The following SPRED2 variants were observed in gnomAD, a reference collection of about 807,000 sequenced individuals.
The protein encoded by SPRED2 is sprouty-related, EVH1 domain-containing protein 2.
In SPRED2, 47 loss-of-function variants were observed where a neutral mutation model predicts 43.0. The ratio of observed to expected loss-of-function variants is 1.09; its 90% CI spans 0.87 to 1.40. The LOEUF (loss-of-function observed/expected upper bound fraction) is 1.40. Among genes scored for constraint, SPRED2 ranks in the 40% most tolerant of loss-of-function variants. The probability of loss-of-function intolerance (pLI) is 0.00; values close to 1 mark genes in which losing one functional copy is unlikely to be tolerated. For synonymous variants in SPRED2, 225 were observed against 225.7 expected, an observed-to-expected ratio of 1.00 and a Z score of 0.03; for missense variants, 561 against 586.4, an observed-to-expected ratio of 0.96 and a Z score of 0.45.
At chr2:65,345,020 T>A in intron 1 of SPRED2, 124 bp from the exon 2 acceptor site, 2 of 916,038 alleles carry the variant, frequency 2.2e-6, no homozygotes, top group African/African-American at 1.7e-5. Flanking sequence ...AATCTATGCT[T>A]GGCGGCAACC....
In SPRED2 at chr2:65,432,082, C is replaced by T. The variant is rs571343698; in HGVS notation, c.-95G>A. 2 of 1,529,152 alleles carry T rather than the reference C, an allele frequency of 1.3e-6. No individual in the cohort carries two copies. Among genetic ancestry groups the T allele is most frequent in the Admixed American group, 1.7e-5 (1 of 57,540 alleles). The allele number at this position is 1,529,152 out of a possible 1,614,324, so 94.7% of individuals were successfully genotyped here. On this transcript the variant is annotated 5_prime_UTR_variant, in exon 1 of 6. Transcript: ENST00000356388. ...CCCCCTTCTTCACATCTCCGGAGAT[C>T]GCCTGATTTGGGGAGGGGGGGCGGC...
At chr2:65,380,250 G>A (rs1024353513) in intron 1 of SPRED2, among the ~76,000 whole-genome samples, 3 of 152,152 alleles carry the variant, frequency 2.0e-5, no homozygotes, top group Non-Finnish European at 2.9e-5. Context: ...AGACAAGGTC[G>A]ACTCAGGTGC....
intron 4 of SPRED2, among the ~76,000 whole-genome samples, chr2:65,326,162 G>A (rs958043239): frequency 2.0e-5 from 3 of 152,046 alleles, no homozygotes; most frequent in African/African-American, 7.2e-5. Context: ...TGTAACTAAG[G>A]CAATATTCTT....
intron 1 of SPRED2, among the ~76,000 whole-genome samples, chr2:65,346,509 TC>T (rs1674354686): frequency 6.6e-6 from 1 of 151,808 alleles, no homozygotes; most frequent in South Asian, 2.1e-4. Context: ...AAACACTAAC[TC>T]CCCCTTCTCC....
At position 65,407,794 on chromosome 2, in the gene SPRED2, G is replaced by A. The variant is rs150850034; in HGVS notation, c.26+24168C>T. On this transcript the variant is annotated intron_variant, in intron 1 of 5. Transcript: ENST00000356388. ...AGGGAACCTCCCCATAACTCCAACTGGAGGACAGTTCTCTCTTCCACTCTT... is the reference window on the plus strand; with the variant it reads ...AGGGAACCTCCCCATAACTCCAACTAGAGGACAGTTCTCTCTTCCACTCTT... 7.8e-4 allele frequency among the ~76,000 whole-genome samples: 119 copies of A among 152,314 alleles called. 2 individuals are homozygous for A. The East Asian group carries it at 0.022, about 28-fold the overall frequency.
At chr2:65,417,131 A>C (rs925554644) in intron 1 of SPRED2, among the ~76,000 whole-genome samples, 2 of 152,108 alleles carry the variant, frequency 1.3e-5, no homozygotes, top group East Asian at 1.9e-4. Flanking sequence ...GGAGACCTGC[A>C]TATCAGATAT....
intron 1 of SPRED2, among the ~76,000 whole-genome samples, chr2:65,350,803 G>A (rs959260555): frequency 1.3e-5 from 2 of 152,214 alleles, no homozygotes; most frequent in Non-Finnish European, 2.9e-5. Flanking sequence ...TCTGGGCCAC[G>A]TTACAGACAT....
intron 1 of SPRED2, among the ~76,000 whole-genome samples, chr2:65,363,005 G>GTTTTTTTTT (rs113081105): frequency 2.7e-4 from 33 of 121,102 alleles, no homozygotes; most frequent in African/African-American, 7.1e-4. Flanking sequence ...ATCATGTTTT[G>GTTTTTTTTT]TTTTTTTTTT....
chr2:65,379,550 G>A (rs1675323164), intron 1 of SPRED2, among the ~76,000 whole-genome samples: 1 of 152,218 alleles, frequency 6.6e-6, no homozygotes, highest in African/African-American at 2.4e-5. Flanking sequence ...GAGCCTGGGA[G>A]AGGTGGAACA....
At chr2:65,427,458 T>C (rs768970721) in intron 1 of SPRED2, among the ~76,000 whole-genome samples, 5 of 152,190 alleles carry the variant, frequency 3.3e-5, no homozygotes, top group Non-Finnish European at 4.4e-5. Flanking sequence ...GGTAGAAACA[T>C]ACCTCCCTTT....
chr2:65,337,257 T>C (rs1445289909), intron 2 of SPRED2, among the ~76,000 whole-genome samples: 1 of 152,226 alleles, frequency 6.6e-6, no homozygotes, highest in Non-Finnish European at 1.5e-5. Context: ...TTTAGATGCT[T>C]TAATCTTCCC....
intron 4 of SPRED2, among the ~76,000 whole-genome samples, chr2:65,327,234 G>A (rs1232599500): frequency 6.6e-6 from 1 of 152,106 alleles, no homozygotes; most frequent in Non-Finnish European, 1.5e-5. Context: ...TTCACTGGAG[G>A]GACTGAGGGG....
At chr2:65,413,612 G>A (rs1008504670) in intron 1 of SPRED2, among the ~76,000 whole-genome samples, 21 of 152,318 alleles carry the variant, frequency 1.4e-4, no homozygotes, top group African/African-American at 4.3e-4. Flanking sequence ...CCAAGTCACC[G>A]TGCAAGTGGG....
chr2:65,393,918 A>C (rs1193943863), intron 1 of SPRED2, among the ~76,000 whole-genome samples: 1 of 152,194 alleles, frequency 6.6e-6, no homozygotes, highest in African/African-American at 2.4e-5. Context: ...TCTGGCACCT[A>C]ATAGCTGGGG....
chr2:65,341,659 A>C (rs770004869), intron 2 of SPRED2, among the ~76,000 whole-genome samples: 1 of 152,208 alleles, frequency 6.6e-6, no homozygotes, highest in East Asian at 1.9e-4. Flanking sequence ...AAAATGTTGC[A>C]GGAATTTAAC....
chr2:65,347,560 T>C lies in SPRED2; in HGVS notation c.27-2664A>G, dbSNP rs116115009. Reference sequence around the variant, plus strand: ...GACCTTTCGCCTGTGCCCACCACCATGCCTACGCTTTGTACCAGCACTCTC... The same window carrying C: ...GACCTTTCGCCTGTGCCCACCACCACGCCTACGCTTTGTACCAGCACTCTC... On this transcript the variant is annotated intron_variant, in intron 1 of 5. Transcript: ENST00000356388. Among the ~76,000 whole-genome samples, 396 of 152,194 alleles carry C rather than the reference T, an allele frequency of 2.6e-3. 1 individual carries two copies. Among genetic ancestry groups the C allele is most frequent in the African/African-American group, 9.2e-3 (382 of 41,520 alleles).
rs952865270 is a variant in SPRED2 at position 65,376,190 on chromosome 2, T to C, written c.27-31294A>G. ...CCCTACAGTTAAACTTTAGAGGCTG[T>C]CAGCTCAGTTTATATTTCAGGGTGA... On this transcript the variant is annotated intron_variant, in intron 1 of 5. Transcript: ENST00000356388. Among the ~76,000 whole-genome samples, 36 of 152,168 alleles carry C rather than the reference T, an allele frequency of 2.4e-4. 1 individual carries two copies. The highest frequency in any genetic ancestry group is 2.4e-3 in the Admixed American group (36 of 15,286).
chr2:65,349,451 G>A (rs903520892), intron 1 of SPRED2, among the ~76,000 whole-genome samples: 11 of 151,736 alleles, frequency 7.2e-5, no homozygotes, highest in Non-Finnish European at 1.5e-4. Context: ...AGGGTCCTAC[G>A]ACTTTTAATT....
chr2:65,378,871 G>A (rs1292188505), intron 1 of SPRED2, among the ~76,000 whole-genome samples: 1 of 152,174 alleles, frequency 6.6e-6, no homozygotes, highest in African/African-American at 2.4e-5. Context: ...TAATTCTAAT[G>A]TACAGTGAAG....
Sources: allele counts gnomAD v4.1 joint callset (sites outside exome capture counted in the v4.1 genomes callset), GRCh38; gene constraint gnomAD v4.1.1; transcripts MANE v1.5; gene names NCBI Gene and HGNC (gene_info 2026-07-23, HGNC 2026-07-21).